Variants in PAPSS1 observed in about 807,000 individuals in gnomAD.
The protein encoded by PAPSS1 is 3'-phosphoadenosine 5'-phosphosulfate synthase 1.
Under a neutral mutation model 72.0 loss-of-function variants are expected in PAPSS1, and 50 were observed. The ratio of observed to expected loss-of-function variants is 0.69; its 90% CI spans 0.55 to 0.88. The LOEUF (loss-of-function observed/expected upper bound fraction) is 0.88, where lower values mean the gene tolerates loss of function less well. PAPSS1 is among the 40% of genes least tolerant of loss of function. The probability of loss-of-function intolerance (pLI) is 0.00; values close to 1 mark genes in which losing one functional copy is unlikely to be tolerated. For synonymous variants in PAPSS1, 261 were observed against 263.6 expected (o/e 0.99, Z 0.09); for missense variants, 657 against 782.2 (o/e 0.84, Z 1.91).
chr4:107,671,664 G>A (rs180865571), intron 5 of PAPSS1, among the ~76,000 whole-genome samples: 172 of 152,116 alleles, frequency 1.1e-3, no homozygotes, highest in African/African-American at 4.0e-3. Flanking sequence ...TTGGTTCCAG[G>A]ACTCCTTGAG....
At chr4:107,639,432 T>C (rs911174152) in intron 10 of PAPSS1, among the ~76,000 whole-genome samples, 2 of 152,124 alleles carry the variant, frequency 1.3e-5, no homozygotes, top group Admixed American at 6.5e-5. Flanking sequence ...TGATCAAAAC[T>C]GAGGAAGTTT....
intron 4 of PAPSS1, among the ~76,000 whole-genome samples, chr4:107,683,022 G>A (rs1722676878): frequency 6.6e-6 from 1 of 152,070 alleles, no homozygotes; most frequent in South Asian, 2.1e-4. Context: ...GCAAATAGAC[G>A]ACAATTTCCC....
At chr4:107,634,764 C>G (rs761953704) in intron 10 of PAPSS1, among the ~76,000 whole-genome samples, 28 of 148,422 alleles carry the variant, frequency 1.9e-4, no homozygotes, top group Non-Finnish European at 3.7e-4. Flanking sequence ...AAAAAATATT[C>G]ACAAGATCTA....
rs758930833 is a variant in PAPSS1 at position 107,687,204 on chromosome 4, A to T, written c.412-27T>A. ...TTAAAAAAAAATAAAATAAAAAGTG[A>T]TCACACAAATCACAAACGTACTATA... On this transcript the variant is annotated intron_variant, in intron 3 of 11. Coordinates refer to ENST00000265174, the MANE Select transcript of PAPSS1 (RefSeq NM_005443.5). 2.6e-6 allele frequency: 4 copies of T among 1,516,538 alleles called. No homozygotes were observed. In the South Asian group the frequency reaches 5.2e-5, roughly 20 times the overall value. 93.9% of individuals were successfully genotyped at this position (1,516,538 alleles called of 1,614,324 possible).
intron 11 of PAPSS1, among the ~76,000 whole-genome samples, chr4:107,618,563 G>A (rs567141607): frequency 6.6e-5 from 10 of 152,046 alleles, no homozygotes; most frequent in African/African-American, 2.2e-4. Context: ...AGGGTCAGGA[G>A]TGATGAAAAG....
At chr4:107,618,085 G>T (rs929557528) in intron 11 of PAPSS1, among the ~76,000 whole-genome samples, 20 of 152,118 alleles carry the variant, frequency 1.3e-4, no homozygotes, top group African/African-American at 4.3e-4. Flanking sequence ...TAAAAACTGA[G>T]TTTGAGAAAA....
At chr4:107,640,598 C>T (rs1394123351) in intron 10 of PAPSS1, among the ~76,000 whole-genome samples, 2 of 151,990 alleles carry the variant, frequency 1.3e-5, no homozygotes, top group Non-Finnish European at 2.9e-5. Flanking sequence ...CTTATGGCTG[C>T]AAATAAGTCA....
intron 4 of PAPSS1, among the ~76,000 whole-genome samples, chr4:107,683,951 A>C (rs1349904161): frequency 7.4e-6 from 1 of 135,286 alleles, no homozygotes; most frequent in Non-Finnish European, 1.7e-5. Flanking sequence ...CCTAAGTATC[A>C]GTGTATGCAT....
At chr4:107,716,330 C>T (rs1459442316) in intron 1 of PAPSS1, among the ~76,000 whole-genome samples, 1 of 152,186 alleles carries the variant, frequency 6.6e-6, no homozygotes, top group Non-Finnish European at 1.5e-5. Context: ...CAAAGGGTAA[C>T]AGGCATCCCA....
intron 11 of PAPSS1, among the ~76,000 whole-genome samples, chr4:107,622,634 T>C (rs1578379850): frequency 6.6e-6 from 1 of 152,366 alleles, no homozygotes; most frequent in East Asian, 1.9e-4. Context: ...TCATCTTCTA[T>C]TGTTGAATAA....
chr4:107,658,770 A>G (rs1356623991), intron 6 of PAPSS1, among the ~76,000 whole-genome samples: 1 of 152,134 alleles, frequency 6.6e-6, no homozygotes, highest in Non-Finnish European at 1.5e-5. Context: ...CTGGAATTCA[A>G]TTCTAGATGG....
intron 1 of PAPSS1, chr4:107,719,884 A>C: frequency 1.5e-6 from 2 of 1,349,418 alleles, no homozygotes; most frequent in Non-Finnish European, 9.5e-7. Context: ...CTTCCCACGA[A>C]CGGTGGCTCG....
chr4:107,675,111 G>A (rs539531516), intron 5 of PAPSS1, among the ~76,000 whole-genome samples: 17 of 151,896 alleles, frequency 1.1e-4, no homozygotes, highest in African/African-American at 2.4e-4. Flanking sequence ...CCCTAACATC[G>A]CAATTAAAAG....
intron 1 of PAPSS1, among the ~76,000 whole-genome samples, chr4:107,707,692 T>A (rs1723374244): frequency 1.3e-5 from 2 of 152,210 alleles, no homozygotes; most frequent in Admixed American, 1.3e-4. Flanking sequence ...AATGTGTTTT[T>A]TCTGATTTCT....
intron 9 of PAPSS1, among the ~76,000 whole-genome samples, chr4:107,646,761 A>G (rs1726707184): frequency 6.6e-6 from 1 of 152,002 alleles, no homozygotes. Context: ...GGTACTAGTG[A>G]TTTACAAACC....
intron 11 of PAPSS1, among the ~76,000 whole-genome samples, chr4:107,619,541 A>T (rs1425232375): frequency 6.6e-6 from 1 of 152,188 alleles, no homozygotes; most frequent in Non-Finnish European, 1.5e-5. Flanking sequence ...TACATCTTCA[A>T]ATGGACATTA....
intron 11 of PAPSS1, among the ~76,000 whole-genome samples, chr4:107,623,648 T>G (rs1726024175): frequency 6.6e-6 from 1 of 152,192 alleles, no homozygotes; most frequent in Non-Finnish European, 1.5e-5. Context: ...TCCCTTACAC[T>G]TAATTAAGGC....
chr4:107,635,760 A>C lies in PAPSS1; in HGVS notation c.1507-3900T>G, dbSNP rs1055729702. Among the ~76,000 whole-genome samples the C allele has an allele frequency of 5.9e-5, 9 of 152,250 alleles. 1 individual carries two copies. Among genetic ancestry groups the C allele is most frequent in the African/African-American group, 1.7e-4 (7 of 41,470 alleles). The stretch of plus-strand genomic sequence containing the variant: ...CTGGTAATAGCCTTACAGAAAGAAT[A>C]ATCTACATGCTGGGACCATGAAACT... On this transcript the variant is annotated intron_variant, in intron 10 of 11. Transcript: ENST00000265174.
intron 7 of PAPSS1, among the ~76,000 whole-genome samples, chr4:107,656,313 A>T (rs1027502716): frequency 1.3e-5 from 2 of 152,208 alleles, no homozygotes; most frequent in Middle Eastern, 6.8e-3. Flanking sequence ...ATGGGGTTTC[A>T]CCATGTTGGC....
Sources: allele counts gnomAD v4.1 joint callset (sites outside exome capture counted in the v4.1 genomes callset), GRCh38; gene constraint gnomAD v4.1.1; transcripts MANE v1.5; gene names NCBI Gene and HGNC (gene_info 2026-07-23, HGNC 2026-07-21).